FARP2: variants seen among roughly 807,000 people sequenced by gnomAD.
FARP2 encodes FERM, ARH/RhoGEF and pleckstrin domain protein 2, also known as FERM, ARHGEF and pleckstrin domain-containing protein 2.
In FARP2, 111 loss-of-function variants were observed where a neutral mutation model predicts 130.5. The ratio of observed to expected loss-of-function variants is 0.85; its 90% CI spans 0.73 to 1.00. The LOEUF (loss-of-function observed/expected upper bound fraction) is 1.00, where lower values mean the gene tolerates loss of function less well. FARP2 is among the 50% of genes least tolerant of loss of function. The pLI, the probability that FARP2 is intolerant of heterozygous loss-of-function variation, is 0.00. For synonymous variants in FARP2, 504 were observed against 516.9 expected (o/e 0.98, Z 0.34); for missense variants, 1,385 against 1,346.3 (o/e 1.03, Z -0.45).
intron 1 of FARP2, among the ~76,000 whole-genome samples, chr2:241,359,518 C>T (rs1184090402): frequency 1.3e-5 from 2 of 152,198 alleles, no homozygotes; most frequent in Non-Finnish European, 2.9e-5. Flanking sequence ...TATACTCATC[C>T]TTTCCCAGCT....
chr2:241,380,569 C>T (rs1366988324), intron 2 of FARP2, among the ~76,000 whole-genome samples: 3 of 151,864 alleles, frequency 2.0e-5, no homozygotes, highest in Non-Finnish European at 4.4e-5. Context: ...TCAAGCATCC[C>T]GAATCTGAAA....
At chr2:241,488,139 T>C (rs1019602144) in intron 21 of FARP2, 2 of 151,070 alleles carry the variant, frequency 1.3e-5, no homozygotes, top group East Asian at 4.0e-4. Context: ...ATATCTCACA[T>C]AATTTGTTGA....
At chr2:241,457,170 A>G (rs573119555) in intron 14 of FARP2, among the ~76,000 whole-genome samples, 16 of 152,142 alleles carry the variant, frequency 1.1e-4, no homozygotes, top group Non-Finnish European at 2.2e-4. Context: ...TTCCTTATTC[A>G]TTTAGCAAAC....
intron 4 of FARP2, 100 bp from the exon 5 acceptor site, chr2:241,407,437 G>A: frequency 1.1e-6 from 1 of 877,792 alleles, no homozygotes; most frequent in Non-Finnish European, 1.9e-6. Flanking sequence ...TGCTGTAACA[G>A]TCCACTTGGA....
chr2:241,484,045 C>T, intron 20 of FARP2, 197 bp from the exon 21 acceptor site: 1 of 1,376,798 alleles, frequency 7.3e-7, no homozygotes, highest in South Asian at 1.5e-5. Context: ...CCAGCAGATG[C>T]ACTGGTTCCT....
intron 2 of FARP2, among the ~76,000 whole-genome samples, chr2:241,396,954 A>G (rs1411752524): frequency 1.3e-5 from 2 of 151,988 alleles, no homozygotes; most frequent in African/African-American, 4.9e-5. Context: ...ACAATGATAG[A>G]CTGGATTAAG....
chr2:241,381,274 G>T (rs2061657404), intron 2 of FARP2, among the ~76,000 whole-genome samples: 2 of 152,020 alleles, frequency 1.3e-5, no homozygotes, highest in South Asian at 4.1e-4. Context: ...CCCCTCTAGT[G>T]CCCAAAACCT....
rs756325348 is a variant in FARP2 at position 241,463,475 on chromosome 2, C to A, written c.1811+7C>A. On this transcript the variant is annotated splice_region_variant and intron_variant, in intron 16 of 26. Transcript: ENST00000264042. ...AGCAGAGGCTGGCACTCTGGTAACA[C>A]CCCTTCAGCCCCCACACGGGAGACT... 1 of 1,612,200 alleles carries A rather than the reference C, an allele frequency of 6.2e-7. No homozygotes were observed. The highest frequency in any genetic ancestry group is 1.3e-5 in the African/African-American group (1 of 74,912).
At chr2:241,423,836 T>C (rs1188448361) in intron 8 of FARP2, among the ~76,000 whole-genome samples, 5 of 152,086 alleles carry the variant, frequency 3.3e-5, no homozygotes, top group Admixed American at 3.3e-4. Flanking sequence ...GAACAGACTT[T>C]AAAGCAACAA....
At chr2:241,379,461 A>G (rs964771963) in intron 2 of FARP2, among the ~76,000 whole-genome samples, 20 of 152,196 alleles carry the variant, frequency 1.3e-4, no homozygotes, top group African/African-American at 4.3e-4. Context: ...TTTCTTTAAC[A>G]TACTCACAGT....
chr2:241,489,747 C>G, intron 21 of FARP2: 1 of 476,846 alleles, frequency 2.1e-6, no homozygotes, highest in Non-Finnish European at 3.8e-6. Context: ...TATTTGGGTG[C>G]CCTCTGGCCC....
At position 241,474,030 on chromosome 2, in the gene FARP2, G is replaced by C. The variant is rs560057653; in HGVS notation, c.2132-1827G>C. On this transcript the variant is annotated intron_variant, in intron 18 of 26. Transcript: ENST00000264042. The stretch of plus-strand genomic sequence containing the variant: ...CTGGAAAGGATAGAGCTGCAGGCCG[G>C]GCGCGGTGGCTCACGCCTGTAATCC... Among the ~76,000 whole-genome samples, 21 of 152,284 alleles carry C rather than the reference G, an allele frequency of 1.4e-4. No individual in the cohort carries two copies. The South Asian group carries it at 4.1e-3, about 30-fold the overall frequency.
intron 2 of FARP2, among the ~76,000 whole-genome samples, chr2:241,392,846 G>A (rs1310360229): frequency 1.3e-5 from 2 of 151,646 alleles, no homozygotes; most frequent in Admixed American, 6.6e-5. Flanking sequence ...AGGAGGCTGA[G>A]GCAGGAGAAT....
chr2:241,423,982 G>A (rs2062871031), intron 8 of FARP2, among the ~76,000 whole-genome samples: 1 of 152,086 alleles, frequency 6.6e-6, no homozygotes, highest in Admixed American at 6.6e-5. Context: ...TCTAAAAAAC[G>A]ACTTAGACTC....
chr2:241,492,221 C>T (rs188181566), intron 24 of FARP2, among the ~76,000 whole-genome samples: 2 of 152,276 alleles, frequency 1.3e-5, no homozygotes, highest in East Asian at 1.9e-4. Context: ...CAGCCACAAT[C>T]GGCTGGGCAG....
At chr2:241,479,014 G>GA in intron 19 of FARP2, 2 of 516,272 alleles carry the variant, frequency 3.9e-6, no homozygotes, top group Non-Finnish European at 7.2e-6. Flanking sequence ...ATTGACAGCT[G>GA]AAAAAATGAT....
intron 7 of FARP2, among the ~76,000 whole-genome samples, chr2:241,417,504 G>A (rs185559731): frequency 7.7e-4 from 117 of 152,206 alleles, no homozygotes; most frequent in African/African-American, 2.6e-3. Flanking sequence ...TGTATTTTTA[G>A]CAGAGACAGG....
intron 19 of FARP2, among the ~76,000 whole-genome samples, chr2:241,476,189 A>G (rs560812119): frequency 1.2e-3 from 174 of 148,698 alleles, no homozygotes; most frequent in Non-Finnish European, 2.2e-3. Context: ...ACTGAGCAAC[A>G]CAGGGAAACC....
rs2064980713 is a variant in FARP2, at chr2:241,492,921, A to G, written c.2788-8A>G. ...GTTAATGCACCTGCATTTTTCCTTT[A>G]TTGACAGAACCAGCTTTCAGGATAT... On this transcript the variant is annotated splice_region_variant and splice_polypyrimidine_tract_variant and intron_variant, in intron 24 of 26. Transcript: ENST00000264042. The G allele has an allele frequency of 2.5e-6, 4 of 1,573,394 alleles. No homozygotes were observed. The highest frequency in any genetic ancestry group is 3.5e-6 in the Non-Finnish European group (4 of 1,143,114).
Sources: allele counts gnomAD v4.1 joint callset (sites outside exome capture counted in the v4.1 genomes callset), GRCh38; gene constraint gnomAD v4.1.1; transcripts MANE v1.5; gene names NCBI Gene and HGNC (gene_info 2026-07-23, HGNC 2026-07-21).